The following TENM2 variants were observed in gnomAD, a reference collection of about 807,000 sequenced individuals.
TENM2 encodes the protein teneurin transmembrane protein 2.
In TENM2, 52 loss-of-function variants were observed where a neutral mutation model predicts 245.2. The observed-to-expected ratio is 0.21, with a 90% CI of 0.17 to 0.27. The LOEUF (loss-of-function observed/expected upper bound fraction) is 0.27, where lower values mean the gene tolerates loss of function less well. Among genes scored for constraint, TENM2 ranks in the 10% least tolerant of loss-of-function variants. TENM2 has a pLI of 1.00. For synonymous variants in TENM2, 1,363 were observed against 1,438.9 expected (o/e 0.95, Z 1.19); for missense variants, 3,046 against 3,666.8 (o/e 0.83, Z 4.37).
intron 21 of TENM2, among the ~76,000 whole-genome samples, chr5:168,216,501 G>A (rs1287904569): frequency 1.3e-5 from 2 of 152,178 alleles, no homozygotes; most frequent in African/African-American, 4.8e-5. Flanking sequence ...TGGTTCATTT[G>A]CAGTCCAAGG....
At chr5:168,122,140 G>A (rs2152344254) in intron 10 of TENM2, among the ~76,000 whole-genome samples, 1 of 152,246 alleles carries the variant, frequency 6.6e-6, no homozygotes, top group Admixed American at 6.5e-5. Flanking sequence ...TGCTAGGCAT[G>A]AGACACCAAA....
At chr5:166,987,309 A>G in the TENM2 span, among the ~76,000 whole-genome samples, 2 of 152,054 alleles carry the variant, frequency 1.3e-5, no homozygotes, top group African/African-American at 2.4e-5. Context: ...GGAGGGGGGA[A>G]AATGTGTTTG....
At chr5:168,044,327 A>G (rs1788437738) in intron 5 of TENM2, among the ~76,000 whole-genome samples, 1 of 152,178 alleles carries the variant, frequency 6.6e-6, no homozygotes, top group Non-Finnish European at 1.5e-5. Context: ...AGGCAAGAGA[A>G]TGGCCTGAAC....
chr5:167,403,537 C>T (rs930640521), intron 2 of TENM2, among the ~76,000 whole-genome samples: 2 of 152,060 alleles, frequency 1.3e-5, no homozygotes, highest in Non-Finnish European at 2.9e-5. Context: ...TCTACCTGAA[C>T]GTATGGGTCA....
the TENM2 span, among the ~76,000 whole-genome samples, chr5:167,142,886 C>T: frequency 6.6e-6 from 1 of 150,566 alleles, no homozygotes; most frequent in Non-Finnish European, 1.5e-5. Context: ...CTGAGTGGCC[C>T]TCACTGCTAG....
chr5:167,993,723 C>T (rs1783843448), intron 5 of TENM2, among the ~76,000 whole-genome samples: 1 of 152,194 alleles, frequency 6.6e-6, no homozygotes, highest in Admixed American at 6.5e-5. Context: ...ATCGAATTAG[C>T]CAGACACACT....
intron 12 of TENM2, among the ~76,000 whole-genome samples, chr5:168,137,127 C>A (rs1755124451): frequency 1.3e-5 from 2 of 152,132 alleles, no homozygotes; most frequent in African/African-American, 4.8e-5. Flanking sequence ...AAAGGGTTAA[C>A]CAATGGTCTA....
rs368423969 is a variant in TENM2, at chr5:167,410,901, A to T, written c.502+35428A>T. ...TATCAAAATAAGCAGCTACTCCTGC[A>T]TGTAGTTTAGTGGCAAACCCACCTA... On this transcript the variant is annotated intron_variant, in intron 2 of 28. Transcript: ENST00000518659. 5.5e-4 allele frequency among the ~76,000 whole-genome samples: 84 copies of T among 152,242 alleles called. 1 individual carries two copies. In the South Asian group the frequency reaches 0.017, roughly 30 times the overall value.
At chr5:167,430,352 C>G (rs1764142774) in intron 2 of TENM2, among the ~76,000 whole-genome samples, 2 of 152,084 alleles carry the variant, frequency 1.3e-5, no homozygotes, top group Non-Finnish European at 1.5e-5. Context: ...TGTGCTTTGT[C>G]CACCATAAGT....
chr5:167,146,109 C>T, the TENM2 span, among the ~76,000 whole-genome samples: 151 of 152,204 alleles, frequency 9.9e-4, no homozygotes, highest in African/African-American at 3.4e-3. Context: ...CACAATTTGT[C>T]AGTGTACTTG....
intron 9 of TENM2, among the ~76,000 whole-genome samples, chr5:168,103,875 C>T (rs1794023784): frequency 6.6e-6 from 1 of 152,290 alleles, no homozygotes; most frequent in South Asian, 2.1e-4. Context: ...GGGAGTAACC[C>T]TGAGCCAACA....
chr5:167,606,792 T>C (rs919335665), intron 2 of TENM2, among the ~76,000 whole-genome samples: 6 of 152,226 alleles, frequency 3.9e-5, no homozygotes, highest in African/African-American at 1.2e-4. Flanking sequence ...ATGGGAGTGA[T>C]GTTACAAACT....
chr5:168,047,808 A>T (rs992352521), intron 6 of TENM2, among the ~76,000 whole-genome samples: 7 of 152,224 alleles, frequency 4.6e-5, no homozygotes, highest in African/African-American at 1.7e-4. Flanking sequence ...TATCTGCAGC[A>T]ACTGGCATGG....
chr5:167,426,518 T>G (rs1002750347), intron 2 of TENM2, among the ~76,000 whole-genome samples: 3 of 125,944 alleles, frequency 2.4e-5, no homozygotes, highest in Non-Finnish European at 4.7e-5. Context: ...GAGACCAACC[T>G]GGGCAACATA....
chr5:168,147,872 G>T (rs1562216153), intron 12 of TENM2, among the ~76,000 whole-genome samples: 1 of 152,170 alleles, frequency 6.6e-6, no homozygotes, highest in Admixed American at 6.5e-5. Context: ...TAAAAGGTAC[G>T]TTCAGCAGAA....
At chr5:167,887,619 T>C (rs17069337) in intron 3 of TENM2, among the ~76,000 whole-genome samples, 6,771 of 152,316 alleles carry the variant, frequency 0.044, 381 homozygotes, top group African/African-American at 0.13. Flanking sequence ...AAAATAACAG[T>C]TCTTTCTTCA....
chr5:167,828,955 G>T lies in TENM2; in HGVS notation c.503-47031G>T, dbSNP rs188533637. Among the ~76,000 whole-genome samples, 25 of 152,316 alleles carry T rather than the reference G, an allele frequency of 1.6e-4. 1 individual carries two copies. In the East Asian group the frequency reaches 3.7e-3, roughly 22 times the overall value. On this transcript the variant is annotated intron_variant, in intron 2 of 28. Transcript: ENST00000518659. ...TGGCTCTTGGTTTCACATTGTTTCT[G>T]CCCATCTGCCTTGCCTCTTGTCGCC...
At chr5:167,914,710 G>T (rs528697068) in intron 3 of TENM2, among the ~76,000 whole-genome samples, 1 of 152,256 alleles carries the variant, frequency 6.6e-6, no homozygotes, top group South Asian at 2.1e-4. Context: ...TGCTCCCTGA[G>T]CCTCTCAGGG....
intron 2 of TENM2, among the ~76,000 whole-genome samples, chr5:167,473,151 T>G (rs1416390844): frequency 6.6e-6 from 1 of 152,362 alleles, no homozygotes; most frequent in Non-Finnish European, 1.5e-5. Flanking sequence ...ATTTTTATGA[T>G]TAATTTTTGT....
Sources: gnomAD v4.1 joint callset for allele counts (sites outside exome capture counted in the v4.1 genomes callset) on GRCh38, gnomAD v4.1.1 for gene constraint, MANE v1.5 for transcripts, NCBI Gene and HGNC (gene_info 2026-07-23, HGNC 2026-07-21) for gene names.